The following FASTKD3 variants were observed in gnomAD, a reference collection of about 807,000 sequenced individuals.
FASTKD3 encodes the protein FAST kinase domain-containing protein 3, mitochondrial.
FASTKD3 carries 47 observed loss-of-function variants against 49.7 expected under a neutral mutation model. The ratio of observed to expected loss-of-function variants is 0.95; its 90% CI spans 0.75 to 1.21. The LOEUF (loss-of-function observed/expected upper bound fraction) is 1.21, where lower values mean the gene tolerates loss of function less well. Among genes scored for constraint, FASTKD3 ranks in the 50% most tolerant of loss-of-function variants. FASTKD3 has a pLI of 0.00. For missense variants in FASTKD3, 748 were observed against 765.7 expected, an observed-to-expected ratio of 0.98 and a Z score of 0.27; for synonymous variants, 284 against 288.6, an observed-to-expected ratio of 0.98 and a Z score of 0.16.
chr5:7,861,349 G>T, intron 5 of FASTKD3, 86 bp from the exon 6 acceptor site: 1 of 757,772 alleles, frequency 1.3e-6, no homozygotes, highest in Non-Finnish European at 2.0e-6. Context: ...AAGTTTATTT[G>T]GGATTTGGCT....
In FASTKD3 at chr5:7,866,026, G is replaced by T. The variant is rs10059339; in HGVS notation, c.1439-43C>A. ...CCAGTCATAGTTACGTCTGAATTGA[G>T]GTATGTATGAGAGAACATCATGAAC... is the stretch of plus-strand genomic sequence containing the variant. On this transcript the variant is annotated intron_variant, in intron 2 of 6. Coordinates refer to ENST00000264669, the MANE Select transcript of FASTKD3 (RefSeq NM_024091.4). The T allele has an allele frequency of 1.7e-3, 1,170 of 694,752 alleles. 14 individuals are homozygous for T. The African/African-American group carries it at 0.017, about 10-fold the overall frequency. The allele number at this position is 694,752 out of a possible 1,614,324, so 43.0% of individuals were successfully genotyped here.
intron 3 of FASTKD3, among the ~76,000 whole-genome samples, chr5:7,863,808 T>C (rs932819323): frequency 1.3e-5 from 2 of 152,216 alleles, no homozygotes; most frequent in African/African-American, 4.8e-5. Context: ...GATTGCGTGC[T>C]TGAAAATGGC....
Position 7,866,697 on chromosome 5 carries a change from C to T in FASTKD3, c.1387G>A (p.Val463Ile), listed in dbSNP as rs1366262362. 1.9e-6 allele frequency: 3 copies of T among 1,603,984 alleles called. No individual in the cohort carries two copies. ...HSCSLNECHP[V>I]NFLAKIFKPL... ...TTGAATATTTTTGCCAGAAAGTTGA[C>T]TGGATGGCATTCATTAAGTGAACAT... is the stretch of plus-strand genomic sequence containing the variant. The change falls in exon 2 of 7, where the codon GTC (valine) becomes ATC (isoleucine). Residue 463 changes from valine (V) to isoleucine (I), a missense_variant. By Grantham distance (29) the Val-to-Ile change is conservative. Transcript: ENST00000264669.
chr5:7,866,259 G>A (rs567807107), intron 2 of FASTKD3, among the ~76,000 whole-genome samples: 5 of 151,362 alleles, frequency 3.3e-5, no homozygotes, highest in Non-Finnish European at 4.4e-5. Context: ...ATGGAGTTCC[G>A]GAAATTTGAC....
At chr5:7,866,009 A>T (rs1276594629) in intron 2 of FASTKD3, 26 bp from the exon 3 acceptor site, 1 of 1,571,742 alleles carries the variant, frequency 6.4e-7, no homozygotes, top group South Asian at 1.1e-5. Context: ...TCCCAGTCAT[A>T]GTTACGTCTG....
At position 7,867,992 on chromosome 5, in the gene FASTKD3, T is replaced by C. The variant is rs760533511; in HGVS notation, c.92A>G (p.Asn31Ser). ...CTCCTTGACTACCTTGTGAACATGA[T>C]TTAGAGGTTTATTTTTTAAAGCAGC... ...ALAALKNKPL[N>S]HVHKVVKERL... Residue 31 changes from asparagine to serine, a missense_variant, in exon 2 of 7, where the codon AAT becomes AGT. Physicochemically the swap from Asn to Ser is conservative, Grantham distance 46. Coordinates refer to ENST00000264669, the MANE Select transcript of FASTKD3 (RefSeq NM_024091.4). The C allele has an allele frequency of 5.6e-6, 9 of 1,613,870 alleles. No homozygotes were observed. The African/African-American group carries it at 9.3e-5, about 17-fold the overall frequency.
chr5:7,866,336 T>A (rs370293793), intron 2 of FASTKD3, among the ~76,000 whole-genome samples: 9,755 of 150,942 alleles, frequency 0.065, 402 homozygotes, highest in Middle Eastern at 0.13. Flanking sequence ...AAAGATACAG[T>A]TGCTCACTCA....
intron 4 of FASTKD3, 96 bp downstream of exon 4, chr5:7,862,727 T>C: frequency 9.1e-7 from 1 of 1,095,430 alleles, no homozygotes; most frequent in East Asian, 2.4e-5. Flanking sequence ...CCATTTTGCA[T>C]TTCCAGAGAA....
intron 5 of FASTKD3, 126 bp downstream of exon 5, chr5:7,861,457 T>C (rs1746526579): frequency 1.5e-6 from 1 of 681,140 alleles, no homozygotes; most frequent in African/African-American, 1.8e-5. Flanking sequence ...CAACATGGTA[T>C]TCTGAAATGT....
intron 2 of FASTKD3, among the ~76,000 whole-genome samples, chr5:7,866,313 CAA>C (rs35385669): frequency 1.9e-4 from 27 of 140,398 alleles, no homozygotes; most frequent in East Asian, 4.1e-4. Flanking sequence ...ACCATCCTCT[CAA>C]AAAAAAAAAA....
Position 7,866,706 on chromosome 5 carries a change from A to G in FASTKD3, c.1378T>C (p.Cys460Arg), listed in dbSNP as rs757853835. 1.9e-6 allele frequency: 3 copies of G among 1,610,960 alleles called. No individual in the cohort carries two copies. The highest frequency in any genetic ancestry group is 2.5e-6 in the Non-Finnish European group (3 of 1,178,918). The change falls in exon 2 of 7, where the codon TGC becomes CGC. Residue 460 changes from cysteine to arginine, a missense_variant. Around this residue, in one of 3 missense-constraint regions of FASTKD3, gnomAD observed 564 missense variants for 562.8 expected, o/e 1.00. Transcript: ENST00000264669. ...KLLHSCSLNECHPVNFLAKIF... is the reference protein window; with the variant it reads ...KLLHSCSLNERHPVNFLAKIF... ...TTTGCCAGAAAGTTGACTGGATGGCATTCATTAAGTGAACATGAATGAAGA... is the reference window on the plus strand; with the variant it reads ...TTTGCCAGAAAGTTGACTGGATGGCGTTCATTAAGTGAACATGAATGAAGA...
intron 2 of FASTKD3, 91 bp from the exon 3 acceptor site, chr5:7,866,074 C>T (rs112946822): frequency 2.2e-6 from 2 of 925,240 alleles, no homozygotes; most frequent in African/African-American, 1.6e-5. Context: ...TTTACACACT[C>T]CAGACAGAAG....
Position 7,862,433 on chromosome 5 carries a change from C to G in FASTKD3, c.1699+390G>C, listed in dbSNP as rs1269931937. On this transcript the variant is annotated intron_variant, in intron 4 of 6. Coordinates refer to ENST00000264669, the MANE Select transcript of FASTKD3 (RefSeq NM_024091.4). ...ATTTAAATTTAAATAGCCACATGGT[C>G]TAGTGGCTACTATATTTGGACAGTA... Among the ~76,000 whole-genome samples, 3 of 152,088 alleles carry G rather than the reference C, an allele frequency of 2.0e-5. No homozygotes were observed. The East Asian group carries it at 5.8e-4, about 29-fold the overall frequency.
At position 7,867,797 on chromosome 5, in the gene FASTKD3, T is replaced by C. The variant is rs756707899; in HGVS notation, c.287A>G (p.Asn96Ser). ...DCDRLEQNVK[N>S]EESQMFYRRL... ...CCTGTAAAACATCTGACTCTCCTCA[T>C]TTTTAACATTTTGTTCAAGCCTGTC... Residue 96 changes from asparagine (N) to serine (S), a missense_variant, in exon 2 of 7, where the codon AAT becomes AGT. Asn to Ser is a conservative substitution (Grantham distance 46). Transcript: ENST00000264669. 1 of 1,614,218 alleles carries C rather than the reference T, an allele frequency of 6.2e-7. No homozygotes were observed. Among genetic ancestry groups the C allele is most frequent in the South Asian group, 1.1e-5 (1 of 91,088 alleles).
In FASTKD3 at chr5:7,868,023, C is replaced by T. The variant is rs1409529590; in HGVS notation, c.61G>A (p.Ala21Thr). The change falls in exon 2 of 7, where the codon GCT (alanine) becomes ACT (threonine). Residue 21 changes from alanine to threonine, a missense_variant. Ala to Thr is a moderately conservative substitution (Grantham distance 58). Transcript: ENST00000264669. ...GGTTTATTTTTTAAAGCAGCCAGAG[C>T]TCTATGCATCTGAAAATCAGATAAA... ...YRLSDFQMHR[A>T]LAALKNKPLN... 1 of 1,613,546 alleles carries T rather than the reference C, an allele frequency of 6.2e-7. No homozygotes were observed. Among genetic ancestry groups the T allele is most frequent in the South Asian group, 1.1e-5 (1 of 90,950 alleles).
At chr5:7,859,674 C>G (rs1319359578) in intron 6 of FASTKD3, 135 bp from the exon 7 acceptor site, 1 of 553,450 alleles carries the variant, frequency 1.8e-6, no homozygotes, top group Non-Finnish European at 3.2e-6. Flanking sequence ...ATATCCCAAC[C>G]AGCTTCTTCA....
intron 4 of FASTKD3, among the ~76,000 whole-genome samples, chr5:7,862,320 GC>G (rs760864215): frequency 5.9e-5 from 9 of 152,132 alleles, no homozygotes; most frequent in African/African-American, 9.7e-5. Context: ...TTATAATGGT[GC>G]TGTCCAATTT....
In FASTKD3 at chr5:7,861,638, A is replaced by G; in HGVS notation, c.1714T>C (p.Leu572=). ...YCYTIDVEIK[L]DEEGFVLPST... is the part of the protein sequence containing the mutation. The stretch of plus-strand genomic sequence containing the variant: ...GGCAATACAAATCCTTCTTCATCTA[A>G]TTTAATTTCAACATCTGGTGAGAGA... The change falls in exon 5 of 7, where the codon TTA becomes CTA. Residue 572 remains leucine (L), a synonymous_variant. Coordinates refer to ENST00000264669, the MANE Select transcript of FASTKD3 (RefSeq NM_024091.4). 1 of 1,608,726 alleles carries G rather than the reference A, an allele frequency of 6.2e-7. No homozygotes were observed. The highest frequency in any genetic ancestry group is 1.1e-5 in the South Asian group (1 of 89,894).
chr5:7,865,220 G>T (rs551880822), intron 3 of FASTKD3, among the ~76,000 whole-genome samples: 18 of 152,230 alleles, frequency 1.2e-4, no homozygotes, highest in African/African-American at 4.3e-4. Context: ...AGAGATCGGG[G>T]TTAACTATTA....
Sources: gnomAD v4.1 joint callset for allele counts (sites outside exome capture counted in the v4.1 genomes callset) on GRCh38, gnomAD v4.1.1 for gene constraint, gnomAD v4.1.1 regional missense constraint, MANE v1.5 for transcripts, NCBI Gene and HGNC (gene_info 2026-07-23, HGNC 2026-07-21) for gene names.